The following LITAF variants were observed in gnomAD, a reference collection of about 807,000 sequenced individuals.
LITAF encodes lipopolysaccharide induced TNF factor, also known as lipopolysaccharide-induced tumor necrosis factor-alpha factor.
Under a neutral mutation model 14.5 loss-of-function variants are expected in LITAF, and 9 were observed. That is an observed-to-expected ratio of 0.62 (90% CI 0.37 to 1.08). LITAF has a LOEUF of 1.08. Among genes scored for constraint, LITAF ranks in the 50% least tolerant of loss-of-function variants. The probability of loss-of-function intolerance (pLI) is 0.01; values close to 1 mark genes in which losing one functional copy is unlikely to be tolerated. For synonymous variants in LITAF, 98 were observed against 88.2 expected (o/e 1.11, Z -0.62); for missense variants, 206 against 213.4 (o/e 0.97, Z 0.22).
At chr16:11,637,180 C>T (rs1006816118), upstream of LITAF, among the ~76,000 whole-genome samples, 1 of 152,216 alleles carries the variant, frequency 6.6e-6, no homozygotes, top group Non-Finnish European at 1.5e-5. Flanking sequence ...CGCAGGCCAC[C>T]GCGCCTGGTC....
intron 1 of LITAF, among the ~76,000 whole-genome samples, chr16:11,568,124 C>T (rs1424135627): frequency 6.6e-6 from 1 of 151,574 alleles, no homozygotes; most frequent in African/African-American, 2.4e-5. Flanking sequence ...CCCATCTCTA[C>T]AAAAAAGACA....
intron 1 of LITAF, among the ~76,000 whole-genome samples, chr16:11,566,038 G>T (rs530493917): frequency 1.3e-5 from 2 of 152,006 alleles, no homozygotes; most frequent in African/African-American, 2.4e-5. Context: ...TTCCTCATAA[G>T]GCTCTTGAGA....
intron 3 of LITAF, among the ~76,000 whole-genome samples, chr16:11,627,797 T>C (rs1391142550): frequency 1.3e-5 from 2 of 151,998 alleles, no homozygotes; most frequent in African/African-American, 4.8e-5. Flanking sequence ...TGAGCCGAGA[T>C]TGTGCCACTG....
chr16:11,587,975 C>T (rs2064824673), upstream of LITAF, among the ~76,000 whole-genome samples: 1 of 152,108 alleles, frequency 6.6e-6, no homozygotes, highest in Non-Finnish European at 1.5e-5. Context: ...CATGCCTTTA[C>T]CCGAGGTCCT....
At chr16:11,596,686 G>C (rs1360304077) in intron 1 of LITAF, among the ~76,000 whole-genome samples, 1 of 87,808 alleles carries the variant, frequency 1.1e-5, no homozygotes, top group Non-Finnish European at 2.2e-5. Context: ...AGGAGGGGAG[G>C]GGGAAGGAGC....
chr16:11,591,966 A>G (rs1245471948), upstream of LITAF, among the ~76,000 whole-genome samples: 2 of 152,238 alleles, frequency 1.3e-5, no homozygotes, highest in Non-Finnish European at 2.9e-5. Context: ...TCTACCTCAC[A>G]TCATATACAA....
chr16:11,601,465 C>A (rs1686848108), upstream of LITAF, among the ~76,000 whole-genome samples: 1 of 152,204 alleles, frequency 6.6e-6, no homozygotes, highest in Non-Finnish European at 1.5e-5. Flanking sequence ...AGCTACTTGA[C>A]CCAAACTCTT....
At position 11,631,372 on chromosome 16, in the gene LITAF, G is replaced by A. The variant is rs139699760; in HGVS notation, c.85+2161C>T. 4.1e-3 allele frequency among the ~76,000 whole-genome samples: 631 copies of A among 152,210 alleles called. 13 individuals are homozygous for A. Among genetic ancestry groups the A allele is most frequent in the East Asian group, 0.035 (182 of 5,174 alleles). ...GGTGGCTCCAGGCATCCCGGGGCTG[G>A]GGGCTGCAACACTCTGCACATGGCT... On this transcript the variant is annotated intron_variant, in intron 3 of 3. Coordinates refer to the LITAF transcript ENST00000574848.
At chr16:11,577,108 G>A (rs923500335) in intron 1 of LITAF, among the ~76,000 whole-genome samples, 3 of 152,116 alleles carry the variant, frequency 2.0e-5, no homozygotes, top group East Asian at 3.8e-4. Context: ...CTGCAAGTTA[G>A]CTTCTATTAA....
intron 3 of LITAF, among the ~76,000 whole-genome samples, chr16:11,607,988 A>G (rs1245681473): frequency 6.6e-6 from 1 of 152,220 alleles, no homozygotes; most frequent in Non-Finnish European, 1.5e-5. Context: ...CAGGATCATT[A>G]TGGTTTTACA....
intron 3 of LITAF, among the ~76,000 whole-genome samples, chr16:11,628,517 T>A (rs2065098373): frequency 6.6e-6 from 1 of 152,216 alleles, no homozygotes; most frequent in Non-Finnish European, 1.5e-5. Context: ...TTTTTTTGTT[T>A]CTTTTAGTCA....
At chr16:11,613,861 A>T (rs1387096820) in intron 3 of LITAF, among the ~76,000 whole-genome samples, 1 of 152,250 alleles carries the variant, frequency 6.6e-6, no homozygotes, top group East Asian at 1.9e-4. Context: ...ACATGTTGTC[A>T]GATGACCGGG....
At chr16:11,575,861 T>C (rs1163644127) in intron 1 of LITAF, among the ~76,000 whole-genome samples, 1 of 152,192 alleles carries the variant, frequency 6.6e-6, no homozygotes, top group Non-Finnish European at 1.5e-5. Flanking sequence ...TTAACCTTTT[T>C]CTTTTCTTTT....
upstream of LITAF, among the ~76,000 whole-genome samples, chr16:11,636,645 A>G (rs1363567150): frequency 2.0e-5 from 3 of 152,162 alleles, no homozygotes; most frequent in Non-Finnish European, 4.4e-5. Context: ...AAAAGGGAAA[A>G]TAGAGCCCCC....
At chr16:11,559,603 A>G (rs1408685461) in intron 1 of LITAF, among the ~76,000 whole-genome samples, 2 of 152,010 alleles carry the variant, frequency 1.3e-5, no homozygotes, top group African/African-American at 4.8e-5. Flanking sequence ...TCTCATTAAT[A>G]ATTTCTTATA....
chr16:11,564,900 G>A (rs1448227918), intron 1 of LITAF, among the ~76,000 whole-genome samples: 3 of 152,110 alleles, frequency 2.0e-5, no homozygotes, highest in African/African-American at 7.2e-5. Context: ...ACAGCAGTGG[G>A]AGGAAATGGG....
chr16:11,556,775 T>C (rs1159194593), intron 1 of LITAF, 40 bp from the exon 2 acceptor site: 1 of 1,515,050 alleles, frequency 6.6e-7, no homozygotes, highest in African/African-American at 1.4e-5. Context: ...GAAATTCAGT[T>C]GATCTCTCCC....
chr16:11,613,285 A>C (rs750150585), intron 3 of LITAF, among the ~76,000 whole-genome samples: 15 of 152,060 alleles, frequency 9.9e-5, no homozygotes, highest in Admixed American at 6.6e-5. Flanking sequence ...AGATCACTCT[A>C]GTTTTTGTTT....
intron 3 of LITAF, among the ~76,000 whole-genome samples, chr16:11,624,045 G>T (rs1288730816): frequency 6.6e-6 from 1 of 152,004 alleles, no homozygotes; most frequent in African/African-American, 2.4e-5. Flanking sequence ...AGTACTTTGG[G>T]AGGCCAAGGC....
Sources: gnomAD v4.1 joint callset for allele counts (sites outside exome capture counted in the v4.1 genomes callset) on GRCh38, gnomAD v4.1.1 for gene constraint, MANE v1.5 for transcripts, NCBI Gene and HGNC (gene_info 2026-07-23, HGNC 2026-07-21) for gene names.